The following CAMK2B variants were observed in gnomAD, a reference collection of about 807,000 sequenced individuals.
CAMK2B encodes calcium/calmodulin dependent protein kinase II beta.
In CAMK2B, 27 loss-of-function variants were observed where a neutral mutation model predicts 93.7. The ratio of observed to expected loss-of-function variants is 0.29; its 90% CI spans 0.21 to 0.40. The LOEUF (loss-of-function observed/expected upper bound fraction) is 0.40. Among genes scored for constraint, CAMK2B ranks in the 10% least tolerant of loss-of-function variants. The pLI is 1.00. For synonymous variants in CAMK2B, 374 were observed against 358.8 expected (o/e 1.04, Z -0.48); for missense variants, 568 against 895.8 (o/e 0.63, Z 4.67).
In CAMK2B at chr7:44,220,600, G is replaced by A. The variant is rs372312778; in HGVS notation, c.1768+16C>T. ...GGGCACCGCCCCCTCATGCCCACCC[G>A]GGCTTCCTCACTCACGGTTCTCGAA... On this transcript the variant is annotated intron_variant, in intron 22 of 23. Transcript: ENST00000395749. 15 of 1,606,972 alleles carry A rather than the reference G, an allele frequency of 9.3e-6. No homozygotes were observed. The highest frequency in any genetic ancestry group is 1.7e-4 in the Middle Eastern group (1 of 6,006).
At chr7:44,250,439 T>G (rs1421611785) in intron 5 of CAMK2B, among the ~76,000 whole-genome samples, 1 of 152,212 alleles carries the variant, frequency 6.6e-6, no homozygotes, top group African/African-American at 2.4e-5. Flanking sequence ...TGGGACGTTA[T>G]TCTCAGCCTG....
At position 44,295,384 on chromosome 7, in the gene CAMK2B, T is replaced by C. The variant is rs113241712; in HGVS notation, c.66-11159A>G. ...TGCAGGAAAACTTCTGCCTCCAAAATTGGCAGATAGAGAGAATTACAACTT... is the reference window on the plus strand; with the variant it reads ...TGCAGGAAAACTTCTGCCTCCAAAACTGGCAGATAGAGAGAATTACAACTT... On this transcript the variant is annotated intron_variant, in intron 1 of 23. Transcript: ENST00000395749. 8.5e-3 allele frequency among the ~76,000 whole-genome samples: 1,292 copies of C among 152,334 alleles called. 20 individuals carry two copies. The highest frequency in any genetic ancestry group is 0.029 in the African/African-American group (1,223 of 41,566).
intron 5 of CAMK2B, among the ~76,000 whole-genome samples, chr7:44,252,087 T>G (rs2096785953): frequency 1.3e-5 from 2 of 151,808 alleles, no homozygotes; most frequent in African/African-American, 4.8e-5. Context: ...AGACTCAGAC[T>G]GAGGAGGGAG....
At chr7:44,280,521 A>G (rs762771691) in intron 2 of CAMK2B, among the ~76,000 whole-genome samples, 6 of 152,224 alleles carry the variant, frequency 3.9e-5, no homozygotes, top group Non-Finnish European at 7.3e-5. Flanking sequence ...GACAGATGGA[A>G]AAGCAGGAGG....
In CAMK2B at chr7:44,219,107, C is replaced by G. The variant is rs1482581426; in HGVS notation, c.*418G>C. On this transcript the variant is annotated 3_prime_UTR_variant, in exon 24 of 24. Coordinates refer to ENST00000395749, the MANE Select transcript of CAMK2B (RefSeq NM_001220.5). Reference sequence around the variant, plus strand: ...AGACACCTTAGGTGTGGGGTGTGTGCGTTACCTACAAACTAACACCGTTCA... The same window carrying G: ...AGACACCTTAGGTGTGGGGTGTGTGGGTTACCTACAAACTAACACCGTTCA... The G allele has an allele frequency of 6.6e-6, 1 of 152,126 alleles. No individual in the cohort carries two copies. The allele number at this position is 152,126 out of a possible 1,614,324, so 9.4% of individuals were successfully genotyped here.
intron 2 of CAMK2B, among the ~76,000 whole-genome samples, chr7:44,272,187 G>A (rs1222820826): frequency 6.6e-6 from 1 of 152,204 alleles, no homozygotes; most frequent in Non-Finnish European, 1.5e-5. Context: ...GGAATTGGGG[G>A]GGTGGGCAGC....
At chr7:44,249,968 C>T (rs1213327343) in intron 5 of CAMK2B, among the ~76,000 whole-genome samples, 1 of 152,196 alleles carries the variant, frequency 6.6e-6, no homozygotes, top group Non-Finnish European at 1.5e-5. Flanking sequence ...TGGTTCTGCA[C>T]CTCTCCATGG....
chr7:44,242,445 G>C, intron 9 of CAMK2B, 105 bp from the exon 10 acceptor site: 1 of 1,536,478 alleles, frequency 6.5e-7, no homozygotes, highest in Non-Finnish European at 8.9e-7. Context: ...GGGAGAGCAG[G>C]ACCCAGGACC....
intron 5 of CAMK2B, among the ~76,000 whole-genome samples, chr7:44,249,104 A>G (rs1309333166): frequency 2.0e-5 from 3 of 152,168 alleles, no homozygotes; most frequent in African/African-American, 7.2e-5. Flanking sequence ...AAGTCAGCCC[A>G]TGACAAGCCA....
In CAMK2B at chr7:44,259,181, C is replaced by T. The variant is rs1024412706; in HGVS notation, c.221-255G>A. On this transcript the variant is annotated intron_variant, in intron 3 of 23. Transcript: ENST00000395749. ...TGCCACTGCCCTCAGCTGCCAGTGC[C>T]TCACCCTCCGCTGCCAGTCTGGTCA... is the stretch of plus-strand genomic sequence containing the variant. Among the ~76,000 whole-genome samples the T allele has an allele frequency of 3.3e-5, 5 of 152,216 alleles. No homozygotes were observed. In the East Asian group the frequency reaches 5.8e-4, roughly 18 times the overall value.
At chr7:44,279,250 T>C (rs909258659) in intron 2 of CAMK2B, among the ~76,000 whole-genome samples, 2 of 152,220 alleles carry the variant, frequency 1.3e-5, no homozygotes, top group Admixed American at 1.3e-4. Flanking sequence ...TGGCTAAGAA[T>C]TGATAACTGT....
chr7:44,282,174 G>A (rs1311259679), intron 2 of CAMK2B, among the ~76,000 whole-genome samples: 4 of 152,212 alleles, frequency 2.6e-5, no homozygotes, highest in African/African-American at 9.6e-5. Context: ...GTCACCCAGA[G>A]ACCCACAGGA....
intron 4 of CAMK2B, among the ~76,000 whole-genome samples, chr7:44,255,718 T>C (rs761595736): frequency 9.2e-5 from 14 of 152,206 alleles, no homozygotes; most frequent in Non-Finnish European, 1.9e-4. Flanking sequence ...GGGGCTGGGC[T>C]GGTCCATGGC....
chr7:44,226,332 T>C (rs537608450), intron 20 of CAMK2B, among the ~76,000 whole-genome samples, 184 bp downstream of exon 20: 2 of 152,184 alleles, frequency 1.3e-5, no homozygotes, highest in Admixed American at 1.3e-4. Flanking sequence ...AACCATAACC[T>C]CCATTTTCTG....
chr7:44,270,747 C>G (rs1485255454), intron 2 of CAMK2B, among the ~76,000 whole-genome samples: 1 of 152,210 alleles, frequency 6.6e-6, no homozygotes, highest in East Asian at 1.9e-4. Flanking sequence ...AAGCCACCCC[C>G]CATCCCCACA....
At position 44,229,520 on chromosome 7, in the gene CAMK2B, G is replaced by C. The variant is rs772097256; in HGVS notation, c.1226-19C>G. 1.5e-6 allele frequency: 2 copies of C among 1,313,532 alleles called. No individual in the cohort carries two copies. Among genetic ancestry groups the C allele is most frequent in the African/African-American group, 3.1e-5 (2 of 64,694 alleles). The allele number at this position is 1,313,532 out of a possible 1,614,324, so 81.4% of individuals were successfully genotyped here. A position where few individuals can be genotyped will look rare whatever the true frequency, so the allele number is the denominator to read the frequency against. On this transcript the variant is annotated intron_variant, in intron 17 of 23. Coordinates refer to ENST00000395749, the MANE Select transcript of CAMK2B (RefSeq NM_001220.5). Reference sequence around the variant, plus strand: ...CTGGGGGCTGAGGCGGAACAGGTGAGGCAGGCAGGTGGGTGGTGCGCCCGC... The same window carrying C: ...CTGGGGGCTGAGGCGGAACAGGTGACGCAGGCAGGTGGGTGGTGCGCCCGC...
Position 44,307,349 on chromosome 7 carries a change from G to T in CAMK2B, c.65+18008C>A, listed in dbSNP as rs1489988092. On this transcript the variant is annotated intron_variant, in intron 1 of 23. Coordinates refer to ENST00000395749, the MANE Select transcript of CAMK2B (RefSeq NM_001220.5). The stretch of plus-strand genomic sequence containing the variant: ...GAAGGGGGAGGAAGTTGTCAGCAGG[G>T]GGAGGAAGTTGTCAGCAGGGGGAGG... 6.5e-4 allele frequency among the ~76,000 whole-genome samples: 82 copies of T among 125,408 alleles called. 2 individuals are homozygous for T. Among genetic ancestry groups the T allele is most frequent in the African/African-American group, 2.3e-3 (77 of 32,802 alleles). 82.3% of individuals were successfully genotyped at this position (125,408 alleles called of 152,430 possible).
In CAMK2B at chr7:44,292,000, T is replaced by C. The variant is rs1786980418; in HGVS notation, c.66-7775A>G. Among the ~76,000 whole-genome samples the C allele has an allele frequency of 1.3e-5, 2 of 152,242 alleles. 1 individual carries two copies. The highest frequency in any genetic ancestry group is 4.1e-4 in the South Asian group (2 of 4,832). ...TGCTTTATGAGCCTGCTCGGGCTGC[T>C]GAAACAAAGTACCACCAACCAAGCG... On this transcript the variant is annotated intron_variant, in intron 1 of 23. Transcript: ENST00000395749.
At chr7:44,321,356 G>T (rs1796037472) in intron 1 of CAMK2B, among the ~76,000 whole-genome samples, 1 of 152,158 alleles carries the variant, frequency 6.6e-6, no homozygotes, top group Non-Finnish European at 1.5e-5. Context: ...GGCGACTGGG[G>T]TACCACTGGA....
Sources: allele counts gnomAD v4.1 joint callset (sites outside exome capture counted in the v4.1 genomes callset), GRCh38; gene constraint gnomAD v4.1.1; transcripts MANE v1.5; gene names NCBI Gene and HGNC (gene_info 2026-07-23, HGNC 2026-07-21).